Variants in YWHAH observed in about 807,000 individuals in gnomAD.
YWHAH encodes the protein 14-3-3 protein eta.
A neutral mutation model predicts 22.9 loss-of-function variants in YWHAH; 6 were observed. That is an observed-to-expected ratio of 0.26 (90% CI 0.14 to 0.52). The LOEUF (loss-of-function observed/expected upper bound fraction) is 0.52, where lower values mean the gene tolerates loss of function less well. Ranked by LOEUF, YWHAH falls within the 20% of genes least tolerant of loss-of-function variation. The pLI is 0.97. For missense variants in YWHAH, 173 were observed against 308.6 expected, an observed-to-expected ratio of 0.56 and a Z score of 3.29; for synonymous variants, 135 against 124.5, an observed-to-expected ratio of 1.08 and a Z score of -0.56.
chr22:31,949,814 A>G (rs1218261295), intron 1 of YWHAH, among the ~76,000 whole-genome samples: 1 of 152,198 alleles, frequency 6.6e-6, no homozygotes, highest in Non-Finnish European at 1.5e-5. Context: ...CCACTATGTA[A>G]CAATGCCCCA....
rs1431815211 is a variant in YWHAH at position 31,944,672 on chromosome 22, C to T, written c.-62C>T. 10 of 1,240,384 alleles carry T rather than the reference C, an allele frequency of 8.1e-6. No homozygotes were observed. Among genetic ancestry groups the T allele is most frequent in the Non-Finnish European group, 9.2e-6 (9 of 978,064 alleles). 76.8% of individuals were successfully genotyped at this position (1,240,384 alleles called of 1,614,324 possible). A position where few individuals can be genotyped will look rare whatever the true frequency, so the allele number is the denominator to read the frequency against. ...CCGCAGCGACCGGGGAGCGGACTGA[C>T]CGGCGGGAGGGCTAGCGAGCCAGCG... On this transcript the variant is annotated 5_prime_UTR_variant, in exon 1 of 2. Transcript: ENST00000248975.
rs978373495 is a variant in YWHAH, at chr22:31,944,836, G to T, written c.87+16G>T. Reference sequence around the variant, plus strand: ...TATGAAGGCGGTGAGCGCGCCGGGAGCCCGGGCGGCTGGCCGGGGGGGGCC... The same window carrying T: ...TATGAAGGCGGTGAGCGCGCCGGGATCCCGGGCGGCTGGCCGGGGGGGGCC... On this transcript the variant is annotated intron_variant, in intron 1 of 1. Transcript: ENST00000248975. 1.1e-5 allele frequency: 15 copies of T among 1,358,888 alleles called. No homozygotes were observed. Among genetic ancestry groups the T allele is most frequent in the African/African-American group, 1.6e-5 (1 of 62,140 alleles). 84.2% of individuals were successfully genotyped at this position (1,358,888 alleles called of 1,614,324 possible).
chr22:31,948,170 A>G (rs2093837717), intron 1 of YWHAH, among the ~76,000 whole-genome samples: 1 of 152,196 alleles, frequency 6.6e-6, no homozygotes, highest in African/African-American at 2.4e-5. Context: ...CTCCCTAGAA[A>G]TCTTAAGTGC....
intron 1 of YWHAH, chr22:31,950,418 C>T (rs1337873892): frequency 3.9e-6 from 3 of 779,190 alleles, no homozygotes; most frequent in Non-Finnish European, 4.8e-6. Context: ...TTCCCTTCTG[C>T]GGTGGTGAGT....
At chr22:31,950,242 T>C in intron 1 of YWHAH, 1 of 740,942 alleles carries the variant, frequency 1.3e-6, no homozygotes, top group Admixed American at 1.9e-5. Context: ...ATATTGCCTT[T>C]AATGTATTTT....
Position 31,956,399 on chromosome 22 carries a change from G to A in YWHAH, c.348G>A (p.Gln116=). ...TGATCAAGAACTGCAATGATTTCCA[G>A]TATGAGAGCAAGGTGTTTTACCTGA... ...KFLIKNCNDF[Q]YESKVFYLKM... Residue 116 remains glutamine (Q), a synonymous_variant, in exon 2 of 2, where the codon CAG becomes CAA. Transcript: ENST00000248975. The surrounding 1 kb of genome is among the most constrained non-coding windows in gnomAD (Gnocchi z 5.1). The A allele has an allele frequency of 6.2e-7, 1 of 1,614,148 alleles. No individual in the cohort carries two copies. The highest frequency in any genetic ancestry group is 8.5e-7 in the Non-Finnish European group (1 of 1,180,036).
At position 31,950,449 on chromosome 22, in the gene YWHAH, G is replaced by A. The variant is rs78667109; in HGVS notation, c.87+5629G>A. 4.1e-3 allele frequency: 3,211 copies of A among 776,192 alleles called. 79 individuals are homozygous for A. In the African/African-American group the frequency reaches 0.046, roughly 11 times the overall value. The allele number at this position is 776,192 out of a possible 1,614,324, so 48.1% of individuals were successfully genotyped here. A position where few individuals can be genotyped will look rare whatever the true frequency, so the allele number is the denominator to read the frequency against. On this transcript the variant is annotated intron_variant, in intron 1 of 1. Transcript: ENST00000248975. ...TGAGTGTTAGCACTTCCAATGATCC[G>A]AACCTGGCACAGCTTCTGAAGCCTT...
chr22:31,950,434 C>G (rs1231670029), intron 1 of YWHAH: 1 of 778,450 alleles, frequency 1.3e-6, no homozygotes, highest in Non-Finnish European at 2.4e-6. Flanking sequence ...TGAGTGTTAG[C>G]ACTTCCAATG....
In YWHAH at chr22:31,947,299, A is replaced by G. The variant is rs117969598; in HGVS notation, c.87+2479A>G. 154 of 405,180 alleles carry G rather than the reference A, an allele frequency of 3.8e-4. 1 individual carries two copies. In the East Asian group the frequency reaches 0.01, roughly 26 times the overall value. 25.1% of individuals were successfully genotyped at this position (405,180 alleles called of 1,614,324 possible). A position where few individuals can be genotyped will look rare whatever the true frequency, so the allele number is the denominator to read the frequency against. On this transcript the variant is annotated intron_variant, in intron 1 of 1. Coordinates refer to ENST00000248975, the MANE Select transcript of YWHAH (RefSeq NM_003405.4). ...ACCAGTCTGTAACCTTGAAACTTAC[A>G]TCTTGGCTTTAGGTCCTCTGAAGTA... is the stretch of plus-strand genomic sequence containing the variant.
intron 1 of YWHAH, chr22:31,945,280 A>C: frequency 8.6e-7 from 1 of 1,164,534 alleles, no homozygotes; most frequent in Non-Finnish European, 1.1e-6. Context: ...CCACGACCTG[A>C]AGTCTGCAAT....
At position 31,957,096 on chromosome 22, in the gene YWHAH, A is replaced by G. The variant is rs1478515198; in HGVS notation, c.*304A>G. 3.7e-6 allele frequency: 1 copy of G among 273,700 alleles called. No homozygotes were observed. The highest frequency in any genetic ancestry group is 1.2e-3 in the Middle Eastern group (1 of 856). 17.0% of individuals were successfully genotyped at this position (273,700 alleles called of 1,614,324 possible). Reference sequence around the variant, plus strand: ...CTAGGCGAAAGTAATGGGGAAGATTAGAAAGAATTAGCCAACCAGGCTACA... The same window carrying G: ...CTAGGCGAAAGTAATGGGGAAGATTGGAAAGAATTAGCCAACCAGGCTACA... On this transcript the variant is annotated 3_prime_UTR_variant, in exon 2 of 2. Transcript: ENST00000248975.
At chr22:31,945,680 T>TA in intron 1 of YWHAH, 1 of 1,257,824 alleles carries the variant, frequency 8.0e-7, no homozygotes. Flanking sequence ...ACGTTTTCTG[T>TA]AAATGAATAT....
rs570676149 is a variant in YWHAH, at chr22:31,948,938, C to A, written c.87+4118C>A. On this transcript the variant is annotated intron_variant, in intron 1 of 1. Transcript: ENST00000248975. ...TTATCCCCAGAAGAACTTCCACAGTCCGGAACTGACTCCCTTAAAGAAACC... is the reference window on the plus strand; with the variant it reads ...TTATCCCCAGAAGAACTTCCACAGTACGGAACTGACTCCCTTAAAGAAACC... 2.6e-5 allele frequency among the ~76,000 whole-genome samples: 4 copies of A among 152,258 alleles called. No individual in the cohort carries two copies. In the East Asian group the frequency reaches 7.7e-4, roughly 29 times the overall value.
intron 1 of YWHAH, chr22:31,947,630 T>TCTCC (rs10631788): frequency 2.6e-6 from 1 of 386,308 alleles, no homozygotes; most frequent in Admixed American, 3.4e-5. Context: ...CTTCAAGCTC[T>TCTCC]ATCTCATACC....
At position 31,956,401 on chromosome 22, in the gene YWHAH, A is replaced by G. The variant is rs746311458; in HGVS notation, c.350A>G (p.Tyr117Cys). 4.3e-6 allele frequency: 7 copies of G among 1,614,176 alleles called. No individual in the cohort carries two copies. The South Asian group carries it at 7.7e-5, about 18-fold the overall frequency. Residue 117 changes from tyrosine (Y) to cysteine (C), a missense_variant, in exon 2 of 2, where the codon TAT (tyrosine) becomes TGT (cysteine). Tyr to Cys is a radical substitution (Grantham distance 194). Transcript: ENST00000248975. This position sits in a 1 kb window ranked among gnomAD's most constrained non-coding sequence, Gnocchi z 5.1. The part of the protein sequence containing the change: ...FLIKNCNDFQ[Y>C]ESKVFYLKMK... ...ATCAAGAACTGCAATGATTTCCAGTATGAGAGCAAGGTGTTTTACCTGAAA... is the reference window on the plus strand; with the variant it reads ...ATCAAGAACTGCAATGATTTCCAGTGTGAGAGCAAGGTGTTTTACCTGAAA...
At chr22:31,954,440 C>T (rs1042001373) in intron 1 of YWHAH, among the ~76,000 whole-genome samples, 1 of 152,120 alleles carries the variant, frequency 6.6e-6, no homozygotes, top group African/African-American at 2.4e-5. Flanking sequence ...TTTGCTTGGG[C>T]CCAGACCAAC....
Position 31,956,690 on chromosome 22 carries a change from G to A in YWHAH, c.639G>A (p.Glu213=). 6.2e-7 allele frequency: 1 copy of A among 1,614,042 alleles called. No homozygotes were observed. The highest frequency in any genetic ancestry group is 1.1e-5 in the South Asian group (1 of 91,080). ...DAIAELDTLN[E]DSYKDSTLIM... Reference sequence around the variant, plus strand: ...TAGCTGAGCTGGACACACTAAACGAGGATTCCTATAAGGACTCCACGCTGA... The same window carrying A: ...TAGCTGAGCTGGACACACTAAACGAAGATTCCTATAAGGACTCCACGCTGA... Residue 213 remains glutamate (E), a synonymous_variant, in exon 2 of 2, where the codon GAG becomes GAA. Transcript: ENST00000248975. This position sits in a 1 kb window ranked among gnomAD's most constrained non-coding sequence, Gnocchi z 5.1.
intron 1 of YWHAH, among the ~76,000 whole-genome samples, chr22:31,947,777 C>T (rs984908144): frequency 1.3e-5 from 2 of 152,070 alleles, no homozygotes; most frequent in African/African-American, 4.8e-5. Context: ...TGAAATAAAC[C>T]TATAAAGTGG....
chr22:31,947,304 G>A, intron 1 of YWHAH: 1 of 408,280 alleles, frequency 2.4e-6, no homozygotes, highest in Admixed American at 2.9e-5. Context: ...CTTACATCTT[G>A]GCTTTAGGTC....
Sources: allele counts gnomAD v4.1 joint callset (sites outside exome capture counted in the v4.1 genomes callset), GRCh38; gene constraint gnomAD v4.1.1; non-coding constraint Gnocchi (gnomAD v3.1); transcripts MANE v1.5; gene names NCBI Gene and HGNC (gene_info 2026-07-23, HGNC 2026-07-21).